CDH18: variants seen among roughly 807,000 people sequenced by gnomAD.
The protein encoded by CDH18 is cadherin 18, also known as cadherin-18.
Under a neutral mutation model 67.9 loss-of-function variants are expected in CDH18, and 31 were observed. The ratio of observed to expected loss-of-function variants is 0.46; its 90% CI spans 0.34 to 0.62. CDH18 has a LOEUF of 0.62. Among genes scored for constraint, CDH18 ranks in the 20% least tolerant of loss-of-function variants. The pLI, the probability that CDH18 is intolerant of heterozygous loss-of-function variation, is 0.01. For synonymous variants in CDH18, 362 were observed against 347.2 expected, an observed-to-expected ratio of 1.04 and a Z score of -0.48; for missense variants, 890 against 975.5, an observed-to-expected ratio of 0.91 and a Z score of 1.17.
chr5:20,004,423 G>T (rs1294366152), intron 2 of CDH18, among the ~76,000 whole-genome samples: 4 of 152,116 alleles, frequency 2.6e-5, no homozygotes, highest in Non-Finnish European at 5.9e-5. Context: ...CATAATTCTT[G>T]CATTCAGCCC....
intron 2 of CDH18, among the ~76,000 whole-genome samples, chr5:20,042,855 G>A (rs978658260): frequency 1.1e-4 from 17 of 151,774 alleles, no homozygotes; most frequent in Non-Finnish European, 1.9e-4. Flanking sequence ...CCAGCTACTC[G>A]GGAGGCTGAG....
intron 2 of CDH18, among the ~76,000 whole-genome samples, chr5:20,055,316 T>C (rs1036569257): frequency 6.6e-6 from 1 of 152,200 alleles, no homozygotes; most frequent in African/African-American, 2.4e-5. Context: ...ATGTTTAAGT[T>C]TGGCAGCCGT....
chr5:20,039,720 G>A (rs985569166), intron 2 of CDH18, among the ~76,000 whole-genome samples: 38 of 151,996 alleles, frequency 2.5e-4, no homozygotes, highest in African/African-American at 7.7e-4. Context: ...AGACTTAAAC[G>A]TAAGAACTAA....
chr5:20,068,676 T>C (rs1320701933), intron 2 of CDH18, among the ~76,000 whole-genome samples: 2 of 152,178 alleles, frequency 1.3e-5, no homozygotes, highest in East Asian at 3.8e-4. Context: ...ATTTTAAATA[T>C]TTAATATCAA....
intron 5 of CDH18, among the ~76,000 whole-genome samples, chr5:19,629,422 A>G (rs1752076949): frequency 6.6e-6 from 1 of 152,166 alleles, no homozygotes; most frequent in East Asian, 1.9e-4. Flanking sequence ...ATAACTATGA[A>G]CAAAAAAGAT....
intron 2 of CDH18, among the ~76,000 whole-genome samples, chr5:20,172,781 G>A (rs909299765): frequency 3.3e-5 from 5 of 151,864 alleles, no homozygotes; most frequent in Non-Finnish European, 5.9e-5. Context: ...ACCTGAAGTC[G>A]GGAGTTCAAG....
intron 1 of CDH18, among the ~76,000 whole-genome samples, chr5:20,417,657 T>G (rs1206366791): frequency 1.3e-5 from 2 of 152,184 alleles, no homozygotes; most frequent in Non-Finnish European, 2.9e-5. Flanking sequence ...CTGAAAAAAT[T>G]GAAGACAGTT....
intron 8 of CDH18, among the ~76,000 whole-genome samples, chr5:19,560,315 GCA>G (rs1161254268): frequency 1.3e-5 from 2 of 152,034 alleles, no homozygotes; most frequent in African/African-American, 4.8e-5. Flanking sequence ...TAAAAAATAG[GCA>G]CATAGACCAA....
At chr5:19,489,390 GGCGC>G (rs1740955461) in intron 11 of CDH18, among the ~76,000 whole-genome samples, 15 of 151,808 alleles carry the variant, frequency 9.9e-5, no homozygotes, top group Admixed American at 9.9e-4. Context: ...TGGGACTACA[GGCGC>G]CCGCCACCAC....
intron 8 of CDH18, among the ~76,000 whole-genome samples, chr5:19,562,743 A>G (rs1739675902): frequency 6.6e-6 from 1 of 152,192 alleles, no homozygotes; most frequent in African/African-American, 2.4e-5. Flanking sequence ...CCTTAAAGTT[A>G]TCATTCAAAG....
intron 9 of CDH18, among the ~76,000 whole-genome samples, chr5:19,523,784 CT>C (rs1487837176): frequency 2.0e-5 from 3 of 151,898 alleles, no homozygotes; most frequent in Non-Finnish European, 2.9e-5. Context: ...TGATTTATAC[CT>C]ATAGGAAAAC....
At chr5:19,676,668 CT>C (rs1270898107) in intron 5 of CDH18, among the ~76,000 whole-genome samples, 8 of 151,988 alleles carry the variant, frequency 5.3e-5, no homozygotes, top group African/African-American at 1.9e-4. Context: ...GTATGACCTT[CT>C]GTCAGCAATC....
intron 1 of CDH18, among the ~76,000 whole-genome samples, chr5:20,478,346 C>T (rs115801588): frequency 0.012 from 1,752 of 152,216 alleles, 27 homozygotes; most frequent in Non-Finnish European, 0.016. Context: ...CATTTCTGGA[C>T]GCACCCTGGG....
At chr5:20,187,949 T>G (rs1046657735) in intron 2 of CDH18, among the ~76,000 whole-genome samples, 7 of 151,924 alleles carry the variant, frequency 4.6e-5, no homozygotes, top group South Asian at 2.1e-4. Context: ...AGAATTTCTA[T>G]TCCTAAAAAT....
At chr5:20,352,376 A>G (rs1741253083) in intron 1 of CDH18, among the ~76,000 whole-genome samples, 1 of 152,090 alleles carries the variant, frequency 6.6e-6, no homozygotes, top group African/African-American at 2.4e-5. Context: ...GGGGGAAGTC[A>G]AAAATTATAC....
intron 2 of CDH18, among the ~76,000 whole-genome samples, chr5:19,891,914 A>T (rs2150085795): frequency 6.6e-6 from 1 of 152,322 alleles, no homozygotes. Context: ...AGAAACAAAG[A>T]TCAAATGAAG....
chr5:19,962,395 A>AAAAAAAAAT (rs58319680), intron 2 of CDH18, among the ~76,000 whole-genome samples: 8 of 117,044 alleles, frequency 6.8e-5, no homozygotes, highest in Admixed American at 9.8e-5. Context: ...AAAAAAAAAA[A>AAAAAAAAAT]AGAAAATTCA....
chr5:19,531,635 AC>A, intron 9 of CDH18, among the ~76,000 whole-genome samples: 1 of 151,838 alleles, frequency 6.6e-6, no homozygotes, highest in Non-Finnish European at 1.5e-5. Flanking sequence ...ACACACACAC[AC>A]ACAAACAAAA....
chr5:19,899,815 G>A (rs1789742546), intron 2 of CDH18, among the ~76,000 whole-genome samples: 1 of 152,060 alleles, frequency 6.6e-6, no homozygotes, highest in Non-Finnish European at 1.5e-5. Flanking sequence ...GAACATTATG[G>A]TAAGTAAAAT....
Sources: gnomAD v4.1 joint callset for allele counts (sites outside exome capture counted in the v4.1 genomes callset) on GRCh38, gnomAD v4.1.1 for gene constraint, MANE v1.5 for transcripts, NCBI Gene and HGNC (gene_info 2026-07-23, HGNC 2026-07-21) for gene names.